PBRM1: variants seen among roughly 807,000 people sequenced by gnomAD.
PBRM1 encodes polybromo 1.
PBRM1 carries 27 observed loss-of-function variants against 194.5 expected under a neutral mutation model. That is an observed-to-expected ratio of 0.14 (90% CI 0.10 to 0.19). The LOEUF (loss-of-function observed/expected upper bound fraction) is 0.19. Among genes scored for constraint, PBRM1 ranks in the 10% least tolerant of loss-of-function variants. The pLI, the probability that PBRM1 is intolerant of heterozygous loss-of-function variation, is 1.00. For synonymous variants in PBRM1, 655 were observed against 693.2 expected (o/e 0.94, Z 0.87); for missense variants, 1,466 against 2,077.2 (o/e 0.71, Z 5.72).
At chr3:52,683,841 T>C (rs997994957), upstream of PBRM1, among the ~76,000 whole-genome samples, 6 of 151,746 alleles carry the variant, frequency 4.0e-5, no homozygotes, top group African/African-American at 1.5e-4. Flanking sequence ...AAAAGTGCAC[T>C]TGAGACCTTC....
chr3:52,674,661 TATATAC>T (rs1369403333), intron 2 of PBRM1, among the ~76,000 whole-genome samples: 4 of 144,266 alleles, frequency 2.8e-5, no homozygotes, highest in African/African-American at 1.0e-4. Context: ...TATATATATA[TATATAC>T]ACACACACAC....
intron 25 of PBRM1, 147 bp from the exon 28 acceptor site, chr3:52,558,560 G>A (rs961970006): frequency 3.7e-5 from 23 of 614,876 alleles, no homozygotes; most frequent in Non-Finnish European, 5.4e-5. Flanking sequence ...AACACAGGAG[G>A]AGTCGGGCCG....
At chr3:52,637,997 T>C (rs1256521534) in intron 10 of PBRM1, among the ~76,000 whole-genome samples, 2 of 151,880 alleles carry the variant, frequency 1.3e-5, no homozygotes, top group African/African-American at 2.4e-5. Flanking sequence ...AATATCCCCC[T>C]CTCTTACTAG....
intron 15 of PBRM1, among the ~76,000 whole-genome samples, chr3:52,610,525 C>A (rs1272925921): frequency 6.6e-6 from 1 of 152,164 alleles, no homozygotes; most frequent in Non-Finnish European, 1.5e-5. Context: ...CACCTTTCAG[C>A]AGAAACATGA....
intron 14 of PBRM1, 132 bp downstream of exon 16, chr3:52,617,130 A>G: frequency 1.5e-6 from 1 of 657,610 alleles, no homozygotes; most frequent in Non-Finnish European, 2.5e-6. Flanking sequence ...AATGAAGAAA[A>G]ATCAATTAAC....
At chr3:52,585,334 GT>G (rs1335243768) in intron 20 of PBRM1, 1 of 152,128 alleles carries the variant, frequency 6.6e-6, no homozygotes, top group African/African-American at 2.4e-5. Flanking sequence ...CTATGGAACT[GT>G]CTGACCTCAG....
At chr3:52,683,411 G>C (rs1466762984), upstream of PBRM1, among the ~76,000 whole-genome samples, 1 of 151,570 alleles carries the variant, frequency 6.6e-6, no homozygotes, top group African/African-American at 2.4e-5. Flanking sequence ...AATCACTTCT[G>C]CATGTTCCCC....
chr3:52,613,532 C>T (rs999104677), intron 15 of PBRM1, among the ~76,000 whole-genome samples: 1 of 151,902 alleles, frequency 6.6e-6, no homozygotes, highest in African/African-American at 2.4e-5. Flanking sequence ...TTTGTAGAGA[C>T]AAGGTCTCCC....
rs2095266030 is a variant in PBRM1 at position 52,621,331 on chromosome 3, GT to G, written c.1542-3794del. On this transcript the variant is annotated intron_variant, in intron 13 of 29. Coordinates refer to ENST00000296302, the Ensembl canonical transcript of PBRM1. ...CCTGCCACCACGCCTGGCTAATTTT[GT>G]TTTTGTATTTTTAGTAGAGATGGGG... is the stretch of plus-strand genomic sequence containing the variant. Among the ~76,000 whole-genome samples, 8 of 152,028 alleles carry G rather than the reference GT, an allele frequency of 5.3e-5. No homozygotes were observed. In the South Asian group the frequency reaches 1.5e-3, roughly 28 times the overall value.
At chr3:52,546,062 C>G (rs557804466), downstream of PBRM1, 2 of 233,136 alleles carry the variant, frequency 8.6e-6, no homozygotes, top group Non-Finnish European at 8.5e-6. Flanking sequence ...TCCTATAGCA[C>G]CTCTAGGCAC....
In PBRM1 at chr3:52,557,248, G is replaced by A. The variant is rs151215721; in HGVS notation, c.4453+1001C>T. ...GGCGAGTGCAACTGCTGAGTTCAGC[G>A]ACAGTGCATTTGAGAACTTGCCATC... On this transcript the variant is annotated intron_variant, in intron 26 of 29. Coordinates refer to ENST00000296302, the Ensembl canonical transcript of PBRM1. Among the ~76,000 whole-genome samples, 613 of 152,318 alleles carry A rather than the reference G, an allele frequency of 4.0e-3. 3 individuals carry two copies. Among genetic ancestry groups the A allele is most frequent in the South Asian group, 0.023 (110 of 4,826 alleles).
At chr3:52,604,898 G>C (rs993859783) in intron 16 of PBRM1, among the ~76,000 whole-genome samples, 13 of 151,782 alleles carry the variant, frequency 8.6e-5, no homozygotes, top group Non-Finnish European at 4.4e-5. Context: ...AGGTTGCAGT[G>C]AGCCAAGATC....
At chr3:52,678,668 T>C (rs911449300) in intron 1 of PBRM1, 71 bp from the exon 3 acceptor site, 4 of 906,332 alleles carry the variant, frequency 4.4e-6, no homozygotes, top group Non-Finnish European at 7.1e-6. Context: ...ATAAGAATTA[T>C]TTTCTACTCT....
At chr3:52,564,109 T>G in exon 23 of PBRM1, 1 of 1,613,884 alleles carries the variant, frequency 6.2e-7, no homozygotes, top group Non-Finnish European at 8.5e-7. Flanking sequence ...TCTTCAATCC[T>G]TTGAATTTCT....
At chr3:52,578,980 G>C in intron 21 of PBRM1, 74 bp downstream of exon 23, 1 of 1,429,486 alleles carries the variant, frequency 7.0e-7, no homozygotes, top group South Asian at 1.1e-5. Context: ...GTCTTCATCC[G>C]AAGGGTGACT....
chr3:52,653,319 G>A (rs1469817371), intron 5 of PBRM1, among the ~76,000 whole-genome samples: 3 of 152,196 alleles, frequency 2.0e-5, no homozygotes, highest in Admixed American at 2.0e-4. Flanking sequence ...GCTGGGCATG[G>A]TGGCTCGCGC....
chr3:52,577,815 A>C (rs938554769), intron 21 of PBRM1, among the ~76,000 whole-genome samples: 1 of 152,164 alleles, frequency 6.6e-6, no homozygotes, highest in African/African-American at 2.4e-5. Context: ...GACTTTTTAC[A>C]GTCTATTCTC....
At chr3:52,591,762 C>T (rs2093080337) in intron 17 of PBRM1, among the ~76,000 whole-genome samples, 1 of 149,322 alleles carries the variant, frequency 6.7e-6, no homozygotes, top group African/African-American at 2.5e-5. Context: ...TCGTGATCCA[C>T]CCGCCCCGGC....
intron 13 of PBRM1, among the ~76,000 whole-genome samples, chr3:52,622,450 C>T (rs2095313683): frequency 6.6e-6 from 1 of 152,168 alleles, no homozygotes; most frequent in South Asian, 2.1e-4. Context: ...GGAAATGGGA[C>T]ATAAAGGGTC....
Sources: gnomAD v4.1 joint callset for allele counts (sites outside exome capture counted in the v4.1 genomes callset) on GRCh38, gnomAD v4.1.1 for gene constraint, MANE v1.5 for transcripts, NCBI Gene and HGNC (gene_info 2026-07-23, HGNC 2026-07-21) for gene names.